The following ENHO variants were observed in gnomAD, a reference collection of about 807,000 sequenced individuals.
The protein encoded by ENHO is energy homeostasis associated.
Under a neutral mutation model 4.1 loss-of-function variants are expected in ENHO, and 5 were observed. The observed-to-expected ratio is 1.23, with a 90% CI of 0.64 to 2.58. The LOEUF (loss-of-function observed/expected upper bound fraction) is 2.58, where lower values mean the gene tolerates loss of function less well. Among genes scored for constraint, ENHO ranks in the 30% most tolerant of loss-of-function variants. The pLI is 0.01. For missense variants in ENHO, 86 were observed against 97.7 expected (o/e 0.88, Z 0.51); for synonymous variants, 45 against 42.9 (o/e 1.05, Z -0.19).
rs1564046724 is a variant in ENHO at position 34,521,714 on chromosome 9, A to G, written c.-19T>C. 1 of 1,599,734 alleles carries G rather than the reference A, an allele frequency of 6.3e-7. No homozygotes were observed. The highest frequency in any genetic ancestry group is 1.1e-5 in the South Asian group (1 of 90,246). Reference sequence around the variant, plus strand: ...CCCCCATGACAGGCAGCACCCTCAGACCAGCACAGACAGTGGAGCTGCCTC... The same window carrying G: ...CCCCCATGACAGGCAGCACCCTCAGGCCAGCACAGACAGTGGAGCTGCCTC... On this transcript the variant is annotated 5_prime_UTR_variant, in exon 2 of 2. Transcript: ENST00000399775.
Position 34,521,129 on chromosome 9 carries a change from G to A in ENHO, c.*336C>T. 1.9e-6 allele frequency: 1 copy of A among 519,528 alleles called. No individual in the cohort carries two copies. Among genetic ancestry groups the A allele is most frequent in the African/African-American group, 1.9e-5 (1 of 52,382 alleles). 32.2% of individuals were successfully genotyped at this position (519,528 alleles called of 1,614,324 possible). On this transcript the variant is annotated 3_prime_UTR_variant, in exon 2 of 2. Coordinates refer to ENST00000399775, the MANE Select transcript of ENHO (RefSeq NM_198573.3). The stretch of plus-strand genomic sequence containing the variant: ...CTGGACACCCTCCTATTATTGCCAT[G>A]GGTTCCAGTTTGCTTCCCCAGCCTA...
intron 1 of ENHO, 105 bp from the exon 2 acceptor site, chr9:34,521,961 C>T (rs892929911): frequency 2.5e-5 from 13 of 512,096 alleles, no homozygotes; most frequent in Non-Finnish European, 4.6e-5. Context: ...CATTTCTGGC[C>T]TCCCTGGTGA....
chr9:34,521,883 G>A, intron 1 of ENHO, 27 bp from the exon 2 acceptor site: 1 of 608,808 alleles, frequency 1.6e-6, no homozygotes, highest in South Asian at 2.1e-5. Context: ...GTAAAGGAGA[G>A]GGTGGTGAGG....
chr9:34,521,265 C>G lies in ENHO; in HGVS notation c.*200G>C, dbSNP rs1326239317. The G allele has an allele frequency of 1.4e-6, 1 of 696,410 alleles. No individual in the cohort carries two copies. Among genetic ancestry groups the G allele is most frequent in the South Asian group, 1.5e-5 (1 of 66,072 alleles). 43.1% of individuals were successfully genotyped at this position (696,410 alleles called of 1,614,324 possible). On this transcript the variant is annotated 3_prime_UTR_variant, in exon 2 of 2. Coordinates refer to ENST00000399775, the MANE Select transcript of ENHO (RefSeq NM_198573.3). ...CCTGGCTCTAGCACCAACTCATAAG[C>G]CCCCACCCCAGGCCCATCTCCTTAG...
Position 34,521,506 on chromosome 9 carries a change from G to A in ENHO, c.190C>T (p.Gln64Ter). 6.2e-7 allele frequency: 1 copy of A among 1,613,738 alleles called. No individual in the cohort carries two copies. Among genetic ancestry groups the A allele is most frequent in the South Asian group, 1.1e-5 (1 of 91,080 alleles). Reference sequence around the variant, plus strand: ...TAGCTGCCTTCATGGCTGGGCTTCTGGGGTGGTGGGGCCTTCTCAGGACAG... The same window carrying A: ...TAGCTGCCTTCATGGCTGGGCTTCTAGGGTGGTGGGGCCTTCTCAGGACAG... ...GPCPEKAPPP[Q>*]KPSHEGSYLL... Residue 64 changes from glutamine to a stop codon, truncating the protein, a stop_gained, in exon 2 of 2, where the codon CAG becomes TAG. Transcript: ENST00000399775. LOFTEE classifies it high-confidence loss of function.
In ENHO at chr9:34,521,530, A is replaced by G. The variant is rs766782992; in HGVS notation, c.166T>C (p.Cys56Arg). 4 of 1,613,958 alleles carry G rather than the reference A, an allele frequency of 2.5e-6. No homozygotes were observed. Among genetic ancestry groups the G allele is most frequent in the South Asian group, 1.1e-5 (1 of 91,088 alleles). Residue 56 changes from cysteine to arginine, a missense_variant, in exon 2 of 2, where the codon TGT becomes CGT. Coordinates refer to ENST00000399775, the MANE Select transcript of ENHO (RefSeq NM_198573.3). ...ESSPNSSPGPCPEKAPPPQKP... is the reference protein window; with the variant it reads ...ESSPNSSPGPRPEKAPPPQKP... ...TGGGGTGGTGGGGCCTTCTCAGGAC[A>G]GGGGCCAGGGCTGGAGTTGGGACTG...
chr9:34,521,618 G>A lies in ENHO; in HGVS notation c.78C>T (p.Leu26=), dbSNP rs557460942. The part of the protein sequence containing the change: ...NGLVGFLLLL[L]WVILCWACHS... ...GGCAGGCCCAGCAGAGGATGACCCA[G>A]AGCAGCAGCAGCAAGAAGCCCACGA... Residue 26 remains leucine, a synonymous_variant, in exon 2 of 2, where the codon CTC becomes CTT. Coordinates refer to ENST00000399775, the MANE Select transcript of ENHO (RefSeq NM_198573.3). 5.6e-6 allele frequency: 9 copies of A among 1,614,000 alleles called. No individual in the cohort carries two copies. In the African/African-American group the frequency reaches 1.2e-4, roughly 22 times the overall value.
Position 34,521,792 on chromosome 9 carries a change from A to C in ENHO, c.-97T>G, listed in dbSNP as rs1825285665. On this transcript the variant is annotated 5_prime_UTR_variant, in exon 2 of 2. Transcript: ENST00000399775. ...CTCTGGTATGGCCGGCCTTCAGAGGAGGCTGTGCTGTCTGCACGCTCAGTG... is the reference window on the plus strand; with the variant it reads ...CTCTGGTATGGCCGGCCTTCAGAGGCGGCTGTGCTGTCTGCACGCTCAGTG... 9.1e-7 allele frequency: 1 copy of C among 1,097,650 alleles called. No homozygotes were observed. The highest frequency in any genetic ancestry group is 1.6e-5 in the African/African-American group (1 of 63,988). The allele number at this position is 1,097,650 out of a possible 1,614,324, so 68.0% of individuals were successfully genotyped here.
In ENHO at chr9:34,521,354, C is replaced by CAG. The variant is rs1825278117; in HGVS notation, c.*109_*110dup. The CAG allele has an allele frequency of 9.8e-7, 1 of 1,022,738 alleles. No individual in the cohort carries two copies. The allele number at this position is 1,022,738 out of a possible 1,614,324, so 63.4% of individuals were successfully genotyped here. Reference sequence around the variant, plus strand: ...CTGGGCCGCTGGGTCCAGCTCCAAGCAGGCGGACTCTTGAGTTCTGGACCC... The same window carrying CAG: ...CTGGGCCGCTGGGTCCAGCTCCAAGCAGAGGCGGACTCTTGAGTTCTGGACCC... On this transcript the variant is annotated 3_prime_UTR_variant, in exon 2 of 2. Coordinates refer to ENST00000399775, the MANE Select transcript of ENHO (RefSeq NM_198573.3).
chr9:34,521,059 T>C lies in ENHO; in HGVS notation c.*406A>G, dbSNP rs1825272780. On this transcript the variant is annotated 3_prime_UTR_variant, in exon 2 of 2. Transcript: ENST00000399775. ...ACCTCAGGGTAGAGCCATAGTTCCA[T>C]TTATTATCCAGCAAACACTGGGAGG... 2 of 525,990 alleles carry C rather than the reference T, an allele frequency of 3.8e-6. No individual in the cohort carries two copies. Among genetic ancestry groups the C allele is most frequent in the Non-Finnish European group, 6.9e-6 (2 of 290,988 alleles). The allele number at this position is 525,990 out of a possible 1,614,324, so 32.6% of individuals were successfully genotyped here. A position where few individuals can be genotyped will look rare whatever the true frequency, so the allele number is the denominator to read the frequency against.
In ENHO at chr9:34,521,199, C is replaced by A; in HGVS notation, c.*266G>T. Reference sequence around the variant, plus strand: ...GCCTAGGGAAAGAGTGGACCCGGCCCCTGACCCTTGGCCCTTGGGATGGAG... The same window carrying A: ...GCCTAGGGAAAGAGTGGACCCGGCCACTGACCCTTGGCCCTTGGGATGGAG... On this transcript the variant is annotated 3_prime_UTR_variant, in exon 2 of 2. Transcript: ENST00000399775. 1.7e-6 allele frequency: 1 copy of A among 591,434 alleles called. No individual in the cohort carries two copies. The highest frequency in any genetic ancestry group is 3.0e-5 in the East Asian group (1 of 33,272). 36.6% of individuals were successfully genotyped at this position (591,434 alleles called of 1,614,324 possible).
rs1825280369 is a variant in ENHO, at chr9:34,521,486, G to A, written c.210C>T (p.Gly70=). The A allele has an allele frequency of 6.2e-7, 1 of 1,612,966 alleles. No homozygotes were observed. Among genetic ancestry groups the A allele is most frequent in the Non-Finnish European group, 8.5e-7 (1 of 1,179,652 alleles). Residue 70 remains glycine (G), a synonymous_variant, in exon 2 of 2, where the codon GGC becomes GGT. Coordinates refer to ENST00000399775, the MANE Select transcript of ENHO (RefSeq NM_198573.3). ...GCCTTCAGGGCTGCAGCAGGTAGCT[G>A]CCTTCATGGCTGGGCTTCTGGGGTG... ...APPPQKPSHE[G]SYLLQP is the part of the protein sequence containing the mutation.
At position 34,521,757 on chromosome 9, in the gene ENHO, C is replaced by T. The variant is rs574083555; in HGVS notation, c.-62G>A. ...GCTGCCTCAATGGTGAGGCCCATGC[C>T]GAGGCAGGACTCTGGTATGGCCGGC... On this transcript the variant is annotated 5_prime_UTR_variant, in exon 2 of 2. Coordinates refer to ENST00000399775, the MANE Select transcript of ENHO (RefSeq NM_198573.3). 122 of 1,445,122 alleles carry T rather than the reference C, an allele frequency of 8.4e-5. No homozygotes were observed. The highest frequency in any genetic ancestry group is 5.9e-4 in the African/African-American group (42 of 71,214). The allele number at this position is 1,445,122 out of a possible 1,614,324, so 89.5% of individuals were successfully genotyped here.
chr9:34,521,078 T>G lies in ENHO; in HGVS notation c.*387A>C. 1.9e-6 allele frequency: 1 copy of G among 520,646 alleles called. No individual in the cohort carries two copies. The highest frequency in any genetic ancestry group is 2.1e-5 in the South Asian group (1 of 48,450). The allele number at this position is 520,646 out of a possible 1,614,324, so 32.3% of individuals were successfully genotyped here. The stretch of plus-strand genomic sequence containing the variant: ...GTTCCATTTATTATCCAGCAAACAC[T>G]GGGAGGACCAGGGGAGGGGCCCAGC... On this transcript the variant is annotated 3_prime_UTR_variant, in exon 2 of 2. Coordinates refer to ENST00000399775, the MANE Select transcript of ENHO (RefSeq NM_198573.3).
chr9:34,521,183 AAG>A lies in ENHO; in HGVS notation c.*280_*281del, dbSNP rs1191767048. 1 of 558,504 alleles carries A rather than the reference AAG, an allele frequency of 1.8e-6. No homozygotes were observed. The highest frequency in any genetic ancestry group is 1.9e-5 in the African/African-American group (1 of 53,120). 34.6% of individuals were successfully genotyped at this position (558,504 alleles called of 1,614,324 possible). On this transcript the variant is annotated 3_prime_UTR_variant, in exon 2 of 2. Transcript: ENST00000399775. Reference sequence around the variant, plus strand: ...GGCCTAGAGGTGCTCAGCCTAGGGAAAGAGTGGACCCGGCCCCTGACCCTTGG... The same window carrying A: ...GGCCTAGAGGTGCTCAGCCTAGGGAAAGTGGACCCGGCCCCTGACCCTTGG...
In ENHO at chr9:34,522,396, G is replaced by GGT. The variant is rs369559510; in HGVS notation, c.-162+379_-162+380dup. ...TATGTGGGGCTGCCTCTCTGGGTCA[G>GGT]GTGTGTGTGTGTGTCTGGTGTCTCA... is the stretch of plus-strand genomic sequence containing the variant. On this transcript the variant is annotated intron_variant, in intron 1 of 1. Coordinates refer to ENST00000399775, the MANE Select transcript of ENHO (RefSeq NM_198573.3). The surrounding 1 kb of genome is among the most constrained non-coding windows in gnomAD (Gnocchi z 4.2). The GGT allele has an allele frequency of 1.4e-4, 21 of 153,226 alleles. No individual in the cohort carries two copies. The highest frequency in any genetic ancestry group is 2.0e-4 in the Admixed American group (3 of 15,286). 9.5% of individuals were successfully genotyped at this position (153,226 alleles called of 1,614,324 possible). A position where few individuals can be genotyped will look rare whatever the true frequency, so the allele number is the denominator to read the frequency against.
Position 34,521,804 on chromosome 9 carries a change from C to T in ENHO, c.-109G>A. 1.1e-6 allele frequency: 1 copy of T among 921,298 alleles called. No individual in the cohort carries two copies. Among genetic ancestry groups the T allele is most frequent in the Non-Finnish European group, 1.7e-6 (1 of 594,532 alleles). The allele number at this position is 921,298 out of a possible 1,614,324, so 57.1% of individuals were successfully genotyped here. ...CGGCCTTCAGAGGAGGCTGTGCTGTCTGCACGCTCAGTGATTCCTGGGCAG... is the reference window on the plus strand; with the variant it reads ...CGGCCTTCAGAGGAGGCTGTGCTGTTTGCACGCTCAGTGATTCCTGGGCAG... On this transcript the variant is annotated 5_prime_UTR_variant, in exon 2 of 2. Coordinates refer to ENST00000399775, the MANE Select transcript of ENHO (RefSeq NM_198573.3).
rs1041490490 is a variant in ENHO, at chr9:34,522,573, G to C, written c.-162+204C>G. On this transcript the variant is annotated intron_variant, in intron 1 of 1. Transcript: ENST00000399775. This position sits in a 1 kb window ranked among gnomAD's most constrained non-coding sequence, Gnocchi z 4.2. ...TGTGTATCTCTGCATCAGTCTCTGT[G>C]TCTCTCTCTCTCTTCCAGGCTGTAT... 2.0e-5 allele frequency among the ~76,000 whole-genome samples: 3 copies of C among 151,826 alleles called. No homozygotes were observed. Among genetic ancestry groups the C allele is most frequent in the East Asian group, 1.9e-4 (1 of 5,180 alleles).
rs1185607727 is a variant in ENHO at position 34,522,941 on chromosome 9, G to T, written c.-326C>A. The stretch of plus-strand genomic sequence containing the variant: ...CCCCCTCGGCCGCGCAGCCTCCACC[G>T]GCCGCTCCCGCCGCGGCGCGACCGG... On this transcript the variant is annotated 5_prime_UTR_variant, in exon 1 of 2. Transcript: ENST00000399775. This position sits in a 1 kb window ranked among gnomAD's most constrained non-coding sequence, Gnocchi z 4.2. The T allele has an allele frequency of 6.6e-6, 1 of 150,810 alleles. No homozygotes were observed. The highest frequency in any genetic ancestry group is 1.5e-5 in the Non-Finnish European group (1 of 67,560). The allele number at this position is 150,810 out of a possible 1,614,324, so 9.3% of individuals were successfully genotyped here.
Sources: gnomAD v4.1 joint callset for allele counts (sites outside exome capture counted in the v4.1 genomes callset) on GRCh38, gnomAD v4.1.1 for gene constraint, Gnocchi (gnomAD v3.1) non-coding constraint, MANE v1.5 for transcripts, NCBI Gene and HGNC (gene_info 2026-07-23, HGNC 2026-07-21) for gene names.